The following SHC4 variants were observed in gnomAD, a reference collection of about 807,000 sequenced individuals.
The protein encoded by SHC4 is SHC adaptor protein 4.
In SHC4, 41 loss-of-function variants were observed where a neutral mutation model predicts 69.4. The observed-to-expected ratio is 0.59, with a 90% CI of 0.46 to 0.77. SHC4 has a LOEUF of 0.77. SHC4 is among the 30% of genes least tolerant of loss of function. The pLI, the probability that SHC4 is intolerant of heterozygous loss-of-function variation, is 0.00. For missense variants in SHC4, 777 were observed against 783.8 expected, an observed-to-expected ratio of 0.99 and a Z score of 0.10; for synonymous variants, 318 against 299.3, an observed-to-expected ratio of 1.06 and a Z score of -0.64.
rs1901585677 is a variant in SHC4, at chr15:48,963,708, A to G, written c.-693T>C. Among the ~76,000 whole-genome samples the G allele has an allele frequency of 6.6e-6, 1 of 152,042 alleles. No homozygotes were observed. Among genetic ancestry groups the G allele is most frequent in the Admixed American group, 6.6e-5 (1 of 15,264 alleles). ...CTCCGCATTGTTTCACTGACTTGTGATGGGTCCGTGTTCCTCAGATCCCCT... is the reference window on the plus strand; with the variant it reads ...CTCCGCATTGTTTCACTGACTTGTGGTGGGTCCGTGTTCCTCAGATCCCCT... On this transcript the variant is annotated 5_prime_UTR_variant, in exon 1 of 12. Transcript: ENST00000332408.
At chr15:48,882,943 T>C (rs1461179918) in intron 4 of SHC4, among the ~76,000 whole-genome samples, 1 of 152,204 alleles carries the variant, frequency 6.6e-6, no homozygotes, top group Non-Finnish European at 1.5e-5. Flanking sequence ...TCACCACTCT[T>C]GGAAGATCAG....
chr15:48,869,205 A>G (rs1475648572), intron 5 of SHC4, among the ~76,000 whole-genome samples: 2 of 152,256 alleles, frequency 1.3e-5, no homozygotes, highest in Non-Finnish European at 2.9e-5. Flanking sequence ...GCACTTTTTA[A>G]GTGGAGAAAG....
intron 9 of SHC4, among the ~76,000 whole-genome samples, chr15:48,846,606 C>T (rs768918362): frequency 6.6e-6 from 1 of 152,176 alleles, no homozygotes; most frequent in Non-Finnish European, 1.5e-5. Flanking sequence ...CTGCAAGAAT[C>T]TGTTTACTTC....
chr15:48,924,959 G>T lies in SHC4; in HGVS notation c.586-10C>A, dbSNP rs1308861992. On this transcript the variant is annotated splice_polypyrimidine_tract_variant and intron_variant, in intron 1 of 11. Transcript: ENST00000332408. ...CAACACAGCCCATGTACTACAATAAGAAGAAAAAAAAGAAGAAGTAGGACA... is the reference window on the plus strand; with the variant it reads ...CAACACAGCCCATGTACTACAATAATAAGAAAAAAAAGAAGAAGTAGGACA... 1 of 1,612,526 alleles carries T rather than the reference G, an allele frequency of 6.2e-7. No homozygotes were observed.
intron 1 of SHC4, among the ~76,000 whole-genome samples, chr15:48,953,688 A>G (rs1901400567): frequency 6.6e-6 from 1 of 152,226 alleles, no homozygotes; most frequent in African/African-American, 2.4e-5. Flanking sequence ...ATAAATTATA[A>G]TAAAATCTCA....
In SHC4 at chr15:48,911,446, A is replaced by C. The variant is rs148130130; in HGVS notation, c.656+13433T>G. ...TTTTTCCTACCCTACTCGTTACTTT[A>C]TGTGAGTCCTTACATGTTAGGTGAG... On this transcript the variant is annotated intron_variant, in intron 2 of 11. Coordinates refer to ENST00000332408, the MANE Select transcript of SHC4 (RefSeq NM_203349.4). Among the ~76,000 whole-genome samples, 33 of 152,174 alleles carry C rather than the reference A, an allele frequency of 2.2e-4. No homozygotes were observed. In the East Asian group the frequency reaches 6.4e-3, roughly 29 times the overall value.
chr15:48,962,163 G>A (rs1901555130), intron 1 of SHC4, among the ~76,000 whole-genome samples: 1 of 152,068 alleles, frequency 6.6e-6, no homozygotes, highest in Admixed American at 6.5e-5. Flanking sequence ...ATCAGAACTT[G>A]CCTCTACACC....
chr15:48,915,186 C>A (rs1900595623), intron 2 of SHC4, among the ~76,000 whole-genome samples: 1 of 152,192 alleles, frequency 6.6e-6, no homozygotes, highest in African/African-American at 2.4e-5. Context: ...TATTTCTTGA[C>A]TTTACACCTG....
At chr15:48,931,560 A>G (rs1216951281) in intron 1 of SHC4, among the ~76,000 whole-genome samples, 1 of 152,096 alleles carries the variant, frequency 6.6e-6, no homozygotes, top group Non-Finnish European at 1.5e-5. Flanking sequence ...GCATCCTTTC[A>G]ATCTCCCTAT....
intron 1 of SHC4, among the ~76,000 whole-genome samples, chr15:48,948,762 C>G (rs930615776): frequency 1.3e-5 from 2 of 152,118 alleles, no homozygotes; most frequent in African/African-American, 2.4e-5. Context: ...AAAAATTAGC[C>G]AAGCCTGTTG....
At chr15:48,870,897 C>T (rs1899661936) in intron 5 of SHC4, among the ~76,000 whole-genome samples, 2 of 152,300 alleles carry the variant, frequency 1.3e-5, no homozygotes, top group Admixed American at 1.3e-4. Flanking sequence ...AACTTCAGAA[C>T]TTTACTTCCT....
chr15:48,940,586 C>T (rs1034974654), intron 1 of SHC4, among the ~76,000 whole-genome samples: 4 of 152,176 alleles, frequency 2.6e-5, no homozygotes, highest in Admixed American at 2.6e-4. Flanking sequence ...AAATTTTTGT[C>T]GTCAGTTACC....
chr15:48,924,690 C>T (rs1900815527), intron 2 of SHC4, among the ~76,000 whole-genome samples, 189 bp downstream of exon 2: 1 of 152,182 alleles, frequency 6.6e-6, no homozygotes, highest in African/African-American at 2.4e-5. Flanking sequence ...CACTGCCACA[C>T]AGTTGAGAAA....
intron 4 of SHC4, among the ~76,000 whole-genome samples, chr15:48,883,076 A>G (rs1279223159): frequency 3.3e-5 from 5 of 152,226 alleles, no homozygotes; most frequent in Admixed American, 6.5e-5. Flanking sequence ...TAGAAAATAA[A>G]ATAGACCTCA....
chr15:48,881,955 G>A (rs554234498), intron 4 of SHC4, among the ~76,000 whole-genome samples: 4 of 152,100 alleles, frequency 2.6e-5, no homozygotes, highest in South Asian at 2.1e-4. Context: ...TGAACTATCC[G>A]TTCCATAAAT....
At chr15:48,870,619 G>A (rs564408263) in intron 5 of SHC4, among the ~76,000 whole-genome samples, 7 of 151,938 alleles carry the variant, frequency 4.6e-5, no homozygotes, top group African/African-American at 7.2e-5. Context: ...CATATGCTTC[G>A]TGAGCCAAGA....
chr15:48,857,767 C>T lies in SHC4; in HGVS notation c.995G>A (p.Ser332Asn). 1 of 1,605,266 alleles carries T rather than the reference C, an allele frequency of 6.2e-7. No homozygotes were observed. The highest frequency in any genetic ancestry group is 8.5e-7 in the Non-Finnish European group (1 of 1,174,660). ...CHNGMAQDVISTIGQAFELRF... is the reference protein window; with the variant it reads ...CHNGMAQDVINTIGQAFELRF... ...GAGTTCAAAAGCCTGCCCTATGGTA[C>T]TTATGACGTCTTGGGCCATTCCATT... Residue 332 changes from serine to asparagine, a missense_variant, in exon 7 of 12, where the codon AGT becomes AAT. Ser to Asn is a conservative substitution (Grantham distance 46). Coordinates refer to ENST00000332408, the MANE Select transcript of SHC4 (RefSeq NM_203349.4).
At chr15:48,938,043 T>C (rs1901105647) in intron 1 of SHC4, among the ~76,000 whole-genome samples, 1 of 152,198 alleles carries the variant, frequency 6.6e-6, no homozygotes, top group African/African-American at 2.4e-5. Flanking sequence ...AAGAGACTTT[T>C]AAGATCTTTA....
intron 10 of SHC4, among the ~76,000 whole-genome samples, chr15:48,842,864 G>A (rs1899017940): frequency 6.6e-6 from 1 of 152,152 alleles, no homozygotes; most frequent in Non-Finnish European, 1.5e-5. Context: ...CCAGGAGGCA[G>A]AGGTTGCAGT....
Sources: allele counts gnomAD v4.1 joint callset (sites outside exome capture counted in the v4.1 genomes callset), GRCh38; gene constraint gnomAD v4.1.1; transcripts MANE v1.5; gene names NCBI Gene and HGNC (gene_info 2026-07-23, HGNC 2026-07-21).